Variants in RBPJ observed in about 807,000 individuals in gnomAD.
RBPJ encodes the protein recombination signal binding protein for immunoglobulin kappa J region.
Under a neutral mutation model 67.8 loss-of-function variants are expected in RBPJ, and 9 were observed. The ratio of observed to expected loss-of-function variants is 0.13; its 90% CI spans 0.08 to 0.23. The LOEUF (loss-of-function observed/expected upper bound fraction) is 0.23, where lower values mean the gene tolerates loss of function less well. RBPJ is among the 10% of genes least tolerant of loss of function. The pLI is 1.00. For synonymous variants in RBPJ, 198 were observed against 203.3 expected, an observed-to-expected ratio of 0.97 and a Z score of 0.22; for missense variants, 305 against 595.6, an observed-to-expected ratio of 0.51 and a Z score of 5.08.
intron 1 of RBPJ, among the ~76,000 whole-genome samples, chr4:26,385,540 C>T (rs1055545307): frequency 6.6e-6 from 1 of 152,134 alleles, no homozygotes; most frequent in Non-Finnish European, 1.5e-5. Flanking sequence ...CCAGTTCCAG[C>T]CTGAATTGTG....
rs768859401 is a variant in RBPJ at position 26,431,040 on chromosome 4, T to A, written c.*33T>A. 3 of 1,567,856 alleles carry A rather than the reference T, an allele frequency of 1.9e-6. No individual in the cohort carries two copies. Among genetic ancestry groups the A allele is most frequent in the South Asian group, 1.1e-5 (1 of 88,090 alleles). ...CTTTTTGCTAGGACTTAAACTGACT[T>A]GAGTGTGGCAAAAAGTTAACAAAAA... is the stretch of plus-strand genomic sequence containing the variant. On this transcript the variant is annotated 3_prime_UTR_variant, in exon 11 of 11. Transcript: ENST00000355476.
chr4:26,224,384 C>T (rs1719015070), intron 1 of RBPJ, among the ~76,000 whole-genome samples: 1 of 152,186 alleles, frequency 6.6e-6, no homozygotes, highest in African/African-American at 2.4e-5. Flanking sequence ...TATGCACCAC[C>T]ATGCCAAACT....
intron 1 of RBPJ, among the ~76,000 whole-genome samples, chr4:26,291,912 A>T (rs1721683354): frequency 6.7e-6 from 1 of 150,316 alleles, no homozygotes; most frequent in African/African-American, 2.5e-5. Context: ...ATATATTTTT[A>T]TTTTTTCCAG....
chr4:26,145,315 C>T, the RBPJ span, among the ~76,000 whole-genome samples: 1 of 152,162 alleles, frequency 6.6e-6, no homozygotes, highest in Non-Finnish European at 1.5e-5. Flanking sequence ...AAAAACCCCA[C>T]AACCACCATC....
At chr4:26,185,040 G>T (rs1469670238) in intron 1 of RBPJ, among the ~76,000 whole-genome samples, 1 of 151,966 alleles carries the variant, frequency 6.6e-6, no homozygotes, top group Non-Finnish European at 1.5e-5. Flanking sequence ...TACTCGGGAG[G>T]CTGAGGCAGG....
intron 5 of RBPJ, among the ~76,000 whole-genome samples, chr4:26,421,885 A>T (rs1005156681): frequency 6.6e-6 from 1 of 152,080 alleles, no homozygotes; most frequent in Non-Finnish European, 1.5e-5. Flanking sequence ...TTGACCCAGA[A>T]TGTCTTTTTA....
chr4:26,359,818 GATT>G (rs1207686719), intron 1 of RBPJ: 1 of 152,258 alleles, frequency 6.6e-6, no homozygotes, highest in African/African-American at 2.4e-5. Context: ...TGTCGTTTCA[GATT>G]ATTATATGAG....
chr4:26,243,095 C>T (rs1343611606), intron 1 of RBPJ, among the ~76,000 whole-genome samples: 1 of 152,054 alleles, frequency 6.6e-6, no homozygotes, highest in Non-Finnish European at 1.5e-5. Flanking sequence ...GGCATGGTGG[C>T]CGGCGCCTGT....
At chr4:26,307,028 T>C (rs1483603205) in intron 1 of RBPJ, among the ~76,000 whole-genome samples, 1 of 152,150 alleles carries the variant, frequency 6.6e-6, no homozygotes, top group African/African-American at 2.4e-5. Context: ...CTCTATCAGT[T>C]TATAATAATA....
intron 1 of RBPJ, among the ~76,000 whole-genome samples, chr4:26,201,558 G>A (rs547189730): frequency 6.6e-6 from 1 of 151,844 alleles, no homozygotes; most frequent in Non-Finnish European, 1.5e-5. Flanking sequence ...AACCCCCACC[G>A]TTCTCCCACT....
chr4:26,228,418 G>A (rs1719153573), intron 1 of RBPJ, among the ~76,000 whole-genome samples: 1 of 152,116 alleles, frequency 6.6e-6, no homozygotes, highest in African/African-American at 2.4e-5. Context: ...CGGTCTTGAT[G>A]TTATTGCTGC....
intron 1 of RBPJ, among the ~76,000 whole-genome samples, chr4:26,222,627 C>A: frequency 9.3e-6 from 1 of 107,000 alleles, no homozygotes; most frequent in Non-Finnish European, 1.8e-5. Flanking sequence ...CTATTATGTA[C>A]TCTGAAATAT....
rs1412301693 is a variant in RBPJ at position 26,415,464 on chromosome 4, T to C, written c.156-11T>C. The C allele has an allele frequency of 6.4e-7, 1 of 1,568,712 alleles. No homozygotes were observed. ...GCTTCTTGTTTTTTTTTTTCCCCTATTATTCTTCAGGTTTTTTTGCCCACC... is the reference window on the plus strand; with the variant it reads ...GCTTCTTGTTTTTTTTTTTCCCCTACTATTCTTCAGGTTTTTTTGCCCACC... On this transcript the variant is annotated splice_polypyrimidine_tract_variant and intron_variant, in intron 3 of 10. Coordinates refer to ENST00000355476, the MANE Select transcript of RBPJ (RefSeq NM_015874.6).
In RBPJ at chr4:26,430,615, A is replaced by G; in HGVS notation, c.1149-77A>G. On this transcript the variant is annotated intron_variant, in intron 10 of 10. Transcript: ENST00000355476. The surrounding 1 kb of genome is among the most constrained non-coding windows in gnomAD (Gnocchi z 4.1). ...GGCACTGATTGTAATGTATTAAACA[A>G]CCTTGTGTTAAGTCTCATTTTTAAC... is the stretch of plus-strand genomic sequence containing the variant. The G allele has an allele frequency of 6.5e-7, 1 of 1,548,646 alleles. No homozygotes were observed. The highest frequency in any genetic ancestry group is 8.8e-7 in the Non-Finnish European group (1 of 1,132,610).
At position 26,243,426 on chromosome 4, in the gene RBPJ, G is replaced by C. The variant is rs1222949052; in HGVS notation, c.-167+79812G>C. 2.0e-5 allele frequency among the ~76,000 whole-genome samples: 3 copies of C among 152,300 alleles called. No individual in the cohort carries two copies. In the East Asian group the frequency reaches 5.8e-4, roughly 29 times the overall value. ...CAAGAGAAAAGTAGAATTGTGGATT[G>C]CTTGTATCCACTATGGTGAGTTTGA... On this transcript the variant is annotated intron_variant, in intron 1 of 4. Coordinates refer to the RBPJ transcript ENST00000512351.
intron 2 of RBPJ, among the ~76,000 whole-genome samples, chr4:26,394,932 T>G (rs569905443): frequency 6.6e-6 from 1 of 152,250 alleles, no homozygotes; most frequent in Non-Finnish European, 1.5e-5. Context: ...GTAATTGTTG[T>G]AACTATTTTG....
chr4:26,171,415 C>A (rs1274051076), intron 1 of RBPJ, among the ~76,000 whole-genome samples: 1 of 152,028 alleles, frequency 6.6e-6, no homozygotes, highest in African/African-American at 2.4e-5. Context: ...AAAAAAGTCT[C>A]AAATTAGTTG....
At chr4:26,222,494 CAA>C (rs35321984) in intron 1 of RBPJ, among the ~76,000 whole-genome samples, 617 of 58,824 alleles carry the variant, frequency 0.01, 6 homozygotes, top group African/African-American at 0.031. Flanking sequence ...AACTCAATCT[CAA>C]AAAAAAAAAA....
At chr4:26,393,289 G>A (rs10005675) in intron 2 of RBPJ, among the ~76,000 whole-genome samples, 3,132 of 152,308 alleles carry the variant, frequency 0.021, 65 homozygotes, top group African/African-American at 0.057. Context: ...GACCAAATCT[G>A]TGATAACATT....
Sources: gnomAD v4.1 joint callset for allele counts (sites outside exome capture counted in the v4.1 genomes callset) on GRCh38, gnomAD v4.1.1 for gene constraint, Gnocchi (gnomAD v3.1) non-coding constraint, MANE v1.5 for transcripts, NCBI Gene and HGNC (gene_info 2026-07-23, HGNC 2026-07-21) for gene names.